Variants in DOK7 observed in about 807,000 individuals in gnomAD.
DOK7 encodes the protein protein Dok-7.
In DOK7, 32 loss-of-function variants were observed where a neutral mutation model predicts 30.7. The observed-to-expected ratio is 1.04, with a 90% CI of 0.79 to 1.40. DOK7 has a LOEUF of 1.40. Ranked by LOEUF, DOK7 falls within the 40% of genes most tolerant of loss-of-function variation. The probability of loss-of-function intolerance (pLI) is 0.00; values close to 1 mark genes in which losing one functional copy is unlikely to be tolerated. For synonymous variants in DOK7, 447 were observed against 324.1 expected, an observed-to-expected ratio of 1.38 and a Z score of -4.07; for missense variants, 1,007 against 699.2, an observed-to-expected ratio of 1.44 and a Z score of -4.97.
At chr4:3,486,507 G>A (rs1367712363) in intron 5 of DOK7, among the ~76,000 whole-genome samples, 2 of 152,204 alleles carry the variant, frequency 1.3e-5, no homozygotes, top group African/African-American at 4.8e-5. Flanking sequence ...CGAGCAGCAT[G>A]TGGGGTGGGA....
intron 4 of DOK7, chr4:3,485,315 T>G (rs1727698063): frequency 1.8e-6 from 1 of 559,142 alleles, no homozygotes. Context: ...GTCCAGAGGC[T>G]CTGGGGACCC....
chr4:3,467,161 T>A (rs1726333998), intron 2 of DOK7, among the ~76,000 whole-genome samples: 2 of 151,458 alleles, frequency 1.3e-5, no homozygotes, highest in South Asian at 4.2e-4. Flanking sequence ...TTCTGCGGAC[T>A]CCCATCGTGT....
chr4:3,491,051 C>G (rs1728362434), intron 6 of DOK7, among the ~76,000 whole-genome samples: 1 of 89,028 alleles, frequency 1.1e-5, no homozygotes, highest in Non-Finnish European at 2.1e-5. Flanking sequence ...TCCTTCCTTT[C>G]TTTTCCCCCG....
At chr4:3,490,662 T>C in intron 6 of DOK7, among the ~76,000 whole-genome samples, 1 of 53,430 alleles carries the variant, frequency 1.9e-5, no homozygotes, top group Admixed American at 2.7e-4. Flanking sequence ...TCCTGCTCAT[T>C]CATTCCTCCC....
chr4:3,465,927 C>T (rs1726237484), intron 2 of DOK7, among the ~76,000 whole-genome samples: 1 of 152,198 alleles, frequency 6.6e-6, no homozygotes. Flanking sequence ...CTTCTTCCTC[C>T]CAGGTGCGGG....
At chr4:3,495,939 ACTGT>A (rs763855241), downstream of DOK7, among the ~76,000 whole-genome samples, 11 of 152,256 alleles carry the variant, frequency 7.2e-5, no homozygotes, top group Middle Eastern at 3.4e-3. Context: ...CAGCCCTGTG[ACTGT>A]CTGCCCTTGA....
At chr4:3,476,261 TGA>T in intron 3 of DOK7, 79 bp from the exon 4 acceptor site, 24 of 360,330 alleles carry the variant, frequency 6.7e-5, no homozygotes, top group Non-Finnish European at 9.4e-5. Context: ...CACCCGCCCG[TGA>T]TGCCCTCTCA....
intron 6 of DOK7, among the ~76,000 whole-genome samples, chr4:3,491,248 T>C (rs1282528958): frequency 2.4e-4 from 27 of 113,446 alleles, no homozygotes; most frequent in African/African-American, 9.6e-4. Flanking sequence ...TCATTCCTTC[T>C]CCCCTTGCTC....
At chr4:3,463,579 G>A (rs1032186758) in intron 2 of DOK7, 28 bp downstream of exon 2, 8 of 1,514,464 alleles carry the variant, frequency 5.3e-6, no homozygotes, top group Admixed American at 3.9e-5. Context: ...GGGACGGGGG[G>A]CGCGGGGGTA....
In DOK7 at chr4:3,489,680, C is replaced by G. The variant is rs750743469; in HGVS notation, c.656C>G (p.Pro219Arg). Residue 219 changes from proline (P) to arginine (R), a missense_variant, in exon 6 of 7, where the codon CCA (proline) becomes CGA (arginine). Pro to Arg is a moderately radical substitution (Grantham distance 103, BLOSUM62 -2). Coordinates refer to ENST00000340083, the MANE Select transcript of DOK7 (RefSeq NM_173660.5). Reference protein sequence around the residue: ...PFGLRPVLPDPSPPGPSTVEE... With the variant: ...PFGLRPVLPDRSPPGPSTVEE... ...CCGAGTCTTCTCTCTGCCACAGACC[C>G]AAGTCCCCCGGGACCCTCGACTGTG... The G allele has an allele frequency of 5.1e-5, 80 of 1,566,008 alleles. No homozygotes were observed. Among genetic ancestry groups the G allele is most frequent in the Non-Finnish European group, 6.8e-5 (79 of 1,155,674 alleles).
chr4:3,463,923 C>T (rs1439944642), intron 2 of DOK7, among the ~76,000 whole-genome samples: 1 of 152,160 alleles, frequency 6.6e-6, no homozygotes, highest in Non-Finnish European at 1.5e-5. Context: ...AACCCAGCCT[C>T]CAGGGGTGCT....
rs190088769 is a variant in DOK7 at position 3,493,560 on chromosome 4, G to C, written c.*59G>C. ...GCTGAATTTGCCCCCAGATGGCAGAGGAAGTGGCGCCAGCCTCCTTGCAGA... is the reference window on the plus strand; with the variant it reads ...GCTGAATTTGCCCCCAGATGGCAGACGAAGTGGCGCCAGCCTCCTTGCAGA... On this transcript the variant is annotated 3_prime_UTR_variant, in exon 7 of 7. Transcript: ENST00000340083. 1.9e-6 allele frequency: 3 copies of C among 1,580,208 alleles called. No individual in the cohort carries two copies. Among genetic ancestry groups the C allele is most frequent in the South Asian group, 2.3e-5 (2 of 87,308 alleles).
At chr4:3,489,994 T>TCATTCCTTCCTTCTCCTCCTGCTC (rs1425867475) in intron 6 of DOK7, among the ~76,000 whole-genome samples, 198 bp downstream of exon 6, 6 of 138,112 alleles carry the variant, frequency 4.3e-5, no homozygotes, top group Non-Finnish European at 6.3e-5. Flanking sequence ...CCCACCACCC[T>TCATTCCTTCCTTCTCCTCCTGCTC]GCTCATTCCT....
intron 4 of DOK7, among the ~76,000 whole-genome samples, chr4:3,478,726 G>A (rs948808270): frequency 3.3e-5 from 5 of 152,220 alleles, no homozygotes; most frequent in Non-Finnish European, 7.3e-5. Context: ...GGGTAGGTGG[G>A]TTCTGGAGGC....
In DOK7 at chr4:3,494,478, C is replaced by CTT; in HGVS notation, c.*977_*978insTT. ...ATAGACTGGAAATAAAATGTTCTTTCCTTACCACCTTGTCCTAGTCCGTTG... is the reference window on the plus strand; with the variant it reads ...ATAGACTGGAAATAAAATGTTCTTTCTTCTTACCACCTTGTCCTAGTCCGTTG... On this transcript the variant is annotated 3_prime_UTR_variant, in exon 7 of 7. Transcript: ENST00000340083. 1.0e-6 allele frequency: 1 copy of CTT among 985,432 alleles called. No homozygotes were observed. The highest frequency in any genetic ancestry group is 1.2e-6 in the Non-Finnish European group (1 of 829,960). 61.0% of individuals were successfully genotyped at this position (985,432 alleles called of 1,614,324 possible). A position where few individuals can be genotyped will look rare whatever the true frequency, so the allele number is the denominator to read the frequency against.
Position 3,473,451 on chromosome 4 carries a change from A to G in DOK7, c.146A>G (p.Lys49Arg). 1 of 1,611,100 alleles carries G rather than the reference A, an allele frequency of 6.2e-7. No individual in the cohort carries two copies. The highest frequency in any genetic ancestry group is 1.7e-5 in the Admixed American group (1 of 60,020). ...LVYKDKSERI[K>R]GLRERSSLTL... ...TACAAGGACAAGTCGGAGCGTATCAAGGGCCTGCGGGAGCGCAGCAGCCTG... is the reference window on the plus strand; with the variant it reads ...TACAAGGACAAGTCGGAGCGTATCAGGGGCCTGCGGGAGCGCAGCAGCCTG... Residue 49 changes from lysine to arginine, a missense_variant, in exon 3 of 7, where the codon AAG (lysine) becomes AGG (arginine). By Grantham distance (26) the Lys-to-Arg change is conservative. Transcript: ENST00000340083.
intron 5 of DOK7, among the ~76,000 whole-genome samples, chr4:3,487,726 C>A (rs1386936041): frequency 6.6e-6 from 1 of 152,196 alleles, no homozygotes; most frequent in Admixed American, 6.5e-5. Context: ...GCTGGCCCAC[C>A]AGTTACTGGA....
At chr4:3,490,568 T>G (rs1335397890) in intron 6 of DOK7, among the ~76,000 whole-genome samples, 1 of 104,938 alleles carries the variant, frequency 9.5e-6, no homozygotes, top group African/African-American at 3.9e-5. Context: ...TCATTCGTTT[T>G]TTCCTTCTCT....
At chr4:3,499,608 G>A (rs546362157) in intron 6 of DOK7, among the ~76,000 whole-genome samples, 4 of 152,166 alleles carry the variant, frequency 2.6e-5, no homozygotes, top group African/African-American at 4.8e-5. Context: ...CAGCACCAAT[G>A]GGGTGTGCAG....
Sources: gnomAD v4.1 joint callset for allele counts (sites outside exome capture counted in the v4.1 genomes callset) on GRCh38, gnomAD v4.1.1 for gene constraint, MANE v1.5 for transcripts, NCBI Gene and HGNC (gene_info 2026-07-23, HGNC 2026-07-21) for gene names.